Variants in LARGE1 observed in about 807,000 individuals in gnomAD.
LARGE1 encodes xylosyl- and glucuronyltransferase LARGE1.
Under a neutral mutation model 87.6 loss-of-function variants are expected in LARGE1, and 43 were observed. That is an observed-to-expected ratio of 0.49 (90% CI 0.38 to 0.63). The LOEUF is 0.63. Among genes scored for constraint, LARGE1 ranks in the 30% least tolerant of loss-of-function variants. The pLI is 0.00. For synonymous variants in LARGE1, 434 were observed against 394.6 expected (o/e 1.10, Z -1.18); for missense variants, 802 against 1,000.2 (o/e 0.80, Z 2.67).
At chr22:33,148,544 G>A in the LARGE1 span, among the ~76,000 whole-genome samples, 126 of 152,230 alleles carry the variant, frequency 8.3e-4, no homozygotes, top group East Asian at 7.1e-3. Flanking sequence ...ATATTCATGC[G>A]CAAGTTTTGT....
At chr22:33,701,773 G>T (rs1188706111) in intron 2 of LARGE1, among the ~76,000 whole-genome samples, 1 of 152,230 alleles carries the variant, frequency 6.6e-6, no homozygotes, top group Non-Finnish European at 1.5e-5. Context: ...TCTCCTGAAT[G>T]TAAGCAGAAG....
intron 13 of LARGE1, among the ~76,000 whole-genome samples, chr22:33,279,310 C>T (rs978342104): frequency 1.3e-5 from 2 of 152,146 alleles, no homozygotes; most frequent in Non-Finnish European, 2.9e-5. Flanking sequence ...GGTGGGAACC[C>T]AAGAGCATAG....
In LARGE1 at chr22:33,275,734, C is replaced by T. The variant is rs142604394; in HGVS notation, c.2074-1110G>A. Among the ~76,000 whole-genome samples the T allele has an allele frequency of 3.9e-4, 60 of 152,264 alleles. No individual in the cohort carries two copies. The East Asian group carries it at 9.4e-3, about 24-fold the overall frequency. ...CAAAGAAAAAAAAGAAAATATGCAA[C>T]GTATTTTCAAGAATTCTGTCAAAAC... is the stretch of plus-strand genomic sequence containing the variant. On this transcript the variant is annotated intron_variant, in intron 14 of 14. Transcript: ENST00000397394.
intron 9 of LARGE1, among the ~76,000 whole-genome samples, chr22:33,359,595 G>A (rs987534225): frequency 1.5e-5 from 2 of 134,466 alleles, no homozygotes; most frequent in Non-Finnish European, 3.1e-5. Context: ...ATGGAGTCTC[G>A]CTCTGTTGCC....
intron 5 of LARGE1, among the ~76,000 whole-genome samples, chr22:33,582,135 G>A (rs1222465797): frequency 2.6e-5 from 4 of 152,158 alleles, no homozygotes; most frequent in African/African-American, 9.7e-5. Context: ...CTTGGGCACT[G>A]GGGTGCTACT....
At chr22:33,328,964 G>A (rs1937477043) in intron 10 of LARGE1, among the ~76,000 whole-genome samples, 1 of 152,036 alleles carries the variant, frequency 6.6e-6, no homozygotes, top group African/African-American at 2.4e-5. Flanking sequence ...GATTAAAGTT[G>A]TATTTCCCTT....
At chr22:33,918,767 G>A (rs2065858377) in intron 1 of LARGE1, among the ~76,000 whole-genome samples, 1 of 152,136 alleles carries the variant, frequency 6.6e-6, no homozygotes, top group Admixed American at 6.5e-5. Flanking sequence ...TTAACCCGAG[G>A]TGACTGCCTC....
At chr22:33,547,360 CTA>C (rs2077389572) in intron 6 of LARGE1, among the ~76,000 whole-genome samples, 1 of 47,630 alleles carries the variant, frequency 2.1e-5, no homozygotes, top group Non-Finnish European at 6.1e-5. Context: ...AGGGTTTGCG[CTA>C]CTATGGGAAT....
chr22:33,901,836 G>A (rs2065290901), intron 1 of LARGE1, among the ~76,000 whole-genome samples: 1 of 152,136 alleles, frequency 6.6e-6, no homozygotes, highest in Non-Finnish European at 1.5e-5. Flanking sequence ...TTCTAAAATT[G>A]TACTGAAATT....
At position 33,170,635 on chromosome 22, in the gene LARGE1, A is replaced by G. The variant is rs114124049; in HGVS notation, c.1731-3803T>C. Among the ~76,000 whole-genome samples, 798 of 152,244 alleles carry G rather than the reference A, an allele frequency of 5.2e-3. 8 individuals are homozygous for G. The highest frequency in any genetic ancestry group is 0.018 in the African/African-American group (767 of 41,550). On this transcript the variant is annotated intron_variant, in intron 11 of 11. Coordinates refer to the LARGE1 transcript ENST00000608642. ...TCTCCTGCCCCCTTGGGAAGAAGGT[A>G]CTTGCTTCCCCTTTGCCTTCTGCCA... is the stretch of plus-strand genomic sequence containing the variant.
intron 1 of LARGE1, among the ~76,000 whole-genome samples, chr22:33,802,991 G>A (rs1308772831): frequency 6.6e-6 from 1 of 152,158 alleles, no homozygotes; most frequent in Non-Finnish European, 1.5e-5. Flanking sequence ...CAGACAATTG[G>A]ATGGACAGGA....
chr22:33,428,377 A>G (rs974896205), intron 7 of LARGE1, among the ~76,000 whole-genome samples: 2 of 148,134 alleles, frequency 1.4e-5, no homozygotes, highest in Non-Finnish European at 3.0e-5. Context: ...GTGCAGTGGC[A>G]TGATCTCGGC....
chr22:33,917,564 G>T (rs2065823378), intron 1 of LARGE1, among the ~76,000 whole-genome samples: 3 of 152,166 alleles, frequency 2.0e-5, no homozygotes. Flanking sequence ...TATGATGACT[G>T]CAGGGAATAT....
At chr22:33,817,849 C>CT (rs2086702004) in intron 1 of LARGE1, among the ~76,000 whole-genome samples, 1 of 150,804 alleles carries the variant, frequency 6.6e-6, no homozygotes, top group Admixed American at 6.6e-5. Flanking sequence ...AGGGGGTCAG[C>CT]GGTAAGGTAG....
At chr22:33,620,405 C>T (rs529976499) in intron 4 of LARGE1, among the ~76,000 whole-genome samples, 8 of 152,236 alleles carry the variant, frequency 5.3e-5, no homozygotes, top group East Asian at 1.9e-4. Flanking sequence ...AATATTTCCC[C>T]GTTTATCTGC....
intron 11 of LARGE1, among the ~76,000 whole-genome samples, chr22:33,177,752 C>T (rs375413469): frequency 6.6e-6 from 1 of 152,166 alleles, no homozygotes; most frequent in African/African-American, 2.4e-5. Flanking sequence ...CTCAGAATCA[C>T]CCCGTCTCAC....
intron 3 of LARGE1, among the ~76,000 whole-genome samples, chr22:33,647,008 C>T (rs537874477): frequency 2.0e-5 from 3 of 152,210 alleles, no homozygotes; most frequent in Non-Finnish European, 2.9e-5. Context: ...GGATTATAGG[C>T]GTGAGCCACT....
chr22:33,149,288 C>T, the LARGE1 span, among the ~76,000 whole-genome samples: 19 of 152,004 alleles, frequency 1.2e-4, no homozygotes, highest in Non-Finnish European at 2.2e-4. Flanking sequence ...GTGATCCGCC[C>T]GCCTTGGCCT....
chr22:33,266,874 A>G (rs1231964600), intron 11 of LARGE1, among the ~76,000 whole-genome samples: 2 of 151,590 alleles, frequency 1.3e-5, no homozygotes, highest in Non-Finnish European at 2.9e-5. Context: ...AGGAAAAAAA[A>G]AAAAGAGTTT....
Sources: allele counts gnomAD v4.1 joint callset (sites outside exome capture counted in the v4.1 genomes callset), GRCh38; gene constraint gnomAD v4.1.1; transcripts MANE v1.5; gene names NCBI Gene and HGNC (gene_info 2026-07-23, HGNC 2026-07-21).